The following DIS3L2 variants were observed in gnomAD, a reference collection of about 807,000 sequenced individuals.
The protein encoded by DIS3L2 is DIS3-like exonuclease 2.
A neutral mutation model predicts 97.5 loss-of-function variants in DIS3L2; 34 were observed. The ratio of observed to expected loss-of-function variants is 0.35; its 90% CI spans 0.27 to 0.46. DIS3L2 has a LOEUF of 0.46. Among genes scored for constraint, DIS3L2 ranks in the 20% least tolerant of loss-of-function variants. The pLI is 1.00. For missense variants in DIS3L2, 1,038 were observed against 1,146.0 expected, an observed-to-expected ratio of 0.91 and a Z score of 1.36; for synonymous variants, 435 against 445.2, an observed-to-expected ratio of 0.98 and a Z score of 0.29.
chr2:232,264,292 G>A (rs1299650721), intron 13 of DIS3L2, among the ~76,000 whole-genome samples: 4 of 152,152 alleles, frequency 2.6e-5, no homozygotes, highest in South Asian at 2.1e-4. Context: ...CCCATGGCCC[G>A]GCAGTTAGGG....
At chr2:231,972,451 C>G (rs546235206) in intron 1 of DIS3L2, among the ~76,000 whole-genome samples, 3 of 152,202 alleles carry the variant, frequency 2.0e-5, no homozygotes, top group Non-Finnish European at 2.9e-5. Flanking sequence ...AGGAATTTTT[C>G]AGCTTCCCTA....
intron 1 of DIS3L2, among the ~76,000 whole-genome samples, chr2:231,969,193 A>G (rs1270650368): frequency 6.6e-6 from 1 of 151,824 alleles, no homozygotes. Context: ...TTAAAATTAT[A>G]TTTTTAAAAT....
intron 14 of DIS3L2, among the ~76,000 whole-genome samples, chr2:232,316,125 C>T (rs901130234): frequency 1.1e-4 from 16 of 152,116 alleles, no homozygotes; most frequent in African/African-American, 3.4e-4. Flanking sequence ...TCTGTGTGTT[C>T]GCGAGCCCTG....
chr2:232,136,870 C>T, intron 8 of DIS3L2, 151 bp downstream of exon 8: 1 of 956,122 alleles, frequency 1.0e-6, no homozygotes, highest in East Asian at 2.7e-5. Flanking sequence ...AGAAGTCACT[C>T]TTAGCTGCCA....
intron 14 of DIS3L2, among the ~76,000 whole-genome samples, chr2:232,319,991 C>T (rs950345546): frequency 1.3e-5 from 2 of 152,208 alleles, no homozygotes; most frequent in Non-Finnish European, 2.9e-5. Context: ...ACAGGCTGTG[C>T]GAGAGCACTC....
intron 5 of DIS3L2, 90 bp downstream of exon 5, chr2:232,030,170 T>A: frequency 1.8e-6 from 2 of 1,099,184 alleles, no homozygotes; most frequent in Non-Finnish European, 2.7e-6. Flanking sequence ...ACTGGAGGAG[T>A]CACAGACCCC....
rs1012218672 is a variant in DIS3L2, at chr2:232,271,406, G to A, written c.1659+7966G>A. On this transcript the variant is annotated intron_variant, in intron 13 of 20. Coordinates refer to ENST00000325385, the MANE Select transcript of DIS3L2 (RefSeq NM_152383.5). ...AGGAAATCCAGTTGAAAACAGAATC[G>A]CTCTGTATAATCTGTGCTCCCATAA... 7.2e-5 allele frequency among the ~76,000 whole-genome samples: 11 copies of A among 152,130 alleles called. No individual in the cohort carries two copies. In the East Asian group the frequency reaches 1.5e-3, roughly 21 times the overall value.
At chr2:232,244,887 G>A (rs941920788) in intron 11 of DIS3L2, among the ~76,000 whole-genome samples, 1 of 152,138 alleles carries the variant, frequency 6.6e-6, no homozygotes, top group Non-Finnish European at 1.5e-5. Context: ...AGACAGCTTA[G>A]CAACTCACCT....
At chr2:232,262,969 C>T (rs1167643342) in intron 12 of DIS3L2, among the ~76,000 whole-genome samples, 1 of 152,188 alleles carries the variant, frequency 6.6e-6, no homozygotes, top group African/African-American at 2.4e-5. Flanking sequence ...GGGGACCGTC[C>T]ATAGGTGTCC....
intron 1 of DIS3L2, among the ~76,000 whole-genome samples, chr2:231,967,352 TG>T (rs1692752557): frequency 6.6e-6 from 1 of 152,180 alleles, no homozygotes; most frequent in Non-Finnish European, 1.5e-5. Flanking sequence ...TAGGCTTTGG[TG>T]AGGAGAAGTT....
chr2:232,324,036 T>C lies in DIS3L2; in HGVS notation c.1740-5777T>C, dbSNP rs1183563798. ...TCCGTAGACCCCTGCCTCCCAGGGC[T>C]CTGCGGTTTCCACCACACTACACTC... On this transcript the variant is annotated intron_variant, in intron 14 of 20. Coordinates refer to ENST00000325385, the MANE Select transcript of DIS3L2 (RefSeq NM_152383.5). Among the ~76,000 whole-genome samples the C allele has an allele frequency of 5.3e-5, 8 of 152,298 alleles. No individual in the cohort carries two copies. In the East Asian group the frequency reaches 7.7e-4, roughly 15 times the overall value.
intron 6 of DIS3L2, among the ~76,000 whole-genome samples, chr2:232,118,873 A>G (rs1441021811): frequency 6.6e-6 from 1 of 152,192 alleles, no homozygotes; most frequent in African/African-American, 2.4e-5. Flanking sequence ...TGAGTAGTGC[A>G]TTGTTGTGTT....
chr2:232,018,933 A>C (rs1315620312), intron 3 of DIS3L2, among the ~76,000 whole-genome samples: 1 of 152,168 alleles, frequency 6.6e-6, no homozygotes, highest in Non-Finnish European at 1.5e-5. Context: ...TTCTCTCTTC[A>C]TAGGTAGAGT....
chr2:232,332,781 G>A (rs1285005703), intron 16 of DIS3L2, among the ~76,000 whole-genome samples: 1 of 152,226 alleles, frequency 6.6e-6, no homozygotes, highest in Admixed American at 6.5e-5. Flanking sequence ...GCTGTGGGGT[G>A]GAGTATTGGC....
At chr2:232,232,319 A>G (rs1428761077) in intron 10 of DIS3L2, among the ~76,000 whole-genome samples, 1 of 152,200 alleles carries the variant, frequency 6.6e-6, no homozygotes, top group African/African-American at 2.4e-5. Flanking sequence ...TGGAGGGTGT[A>G]GATGGTGAGG....
chr2:231,971,782 G>A (rs187026666), intron 1 of DIS3L2, among the ~76,000 whole-genome samples: 2 of 149,264 alleles, frequency 1.3e-5, no homozygotes, highest in African/African-American at 2.5e-5. Flanking sequence ...GGGTTTCACC[G>A]TGTTGGCCCA....
chr2:232,131,774 G>T (rs1184133637), intron 7 of DIS3L2: 1 of 151,956 alleles, frequency 6.6e-6, no homozygotes, highest in African/African-American at 2.4e-5. Context: ...ATACTGACAT[G>T]AGGAATTTCT....
chr2:232,120,698 G>A (rs1697872990), intron 6 of DIS3L2, among the ~76,000 whole-genome samples: 1 of 152,232 alleles, frequency 6.6e-6, no homozygotes, highest in East Asian at 1.9e-4. Flanking sequence ...TTCACCAGAT[G>A]TGTTTGGCTT....
At chr2:232,128,227 A>T (rs946224659) in intron 6 of DIS3L2, among the ~76,000 whole-genome samples, 19 of 151,936 alleles carry the variant, frequency 1.3e-4, no homozygotes, top group African/African-American at 4.6e-4. Flanking sequence ...AAGTGCTGGG[A>T]TTACAGGCGT....
Sources: gnomAD v4.1 joint callset for allele counts (sites outside exome capture counted in the v4.1 genomes callset) on GRCh38, gnomAD v4.1.1 for gene constraint, MANE v1.5 for transcripts, NCBI Gene and HGNC (gene_info 2026-07-23, HGNC 2026-07-21) for gene names.